Variants in RAD51B observed in about 807,000 individuals in gnomAD.
RAD51B encodes the protein RAD51 paralog B.
Under a neutral mutation model 42.2 loss-of-function variants are expected in RAD51B, and 38 were observed. That is an observed-to-expected ratio of 0.90 (90% CI 0.70 to 1.18). The LOEUF (loss-of-function observed/expected upper bound fraction) is 1.18. Among genes scored for constraint, RAD51B ranks in the 50% most tolerant of loss-of-function variants. The pLI, the probability that RAD51B is intolerant of heterozygous loss-of-function variation, is 0.00. For synonymous variants in RAD51B, 154 were observed against 145.2 expected (o/e 1.06, Z -0.43); for missense variants, 373 against 400.7 (o/e 0.93, Z 0.59).
At chr14:67,901,641 A>C (rs2043616960) in intron 7 of RAD51B, among the ~76,000 whole-genome samples, 1 of 152,226 alleles carries the variant, frequency 6.6e-6, no homozygotes, top group Non-Finnish European at 1.5e-5. Flanking sequence ...GAATCACAAT[A>C]CAGTTCACAG....
At chr14:67,989,994 CTTTT>C (rs539586350) in intron 7 of RAD51B, among the ~76,000 whole-genome samples, 2 of 118,350 alleles carry the variant, frequency 1.7e-5, no homozygotes, top group African/African-American at 3.4e-5. Flanking sequence ...CTTTTAACAT[CTTTT>C]TTTTTTTTTT....
chr14:68,298,210 A>G (rs899970654), intron 8 of RAD51B, among the ~76,000 whole-genome samples: 4 of 152,214 alleles, frequency 2.6e-5, no homozygotes, highest in African/African-American at 9.6e-5. Flanking sequence ...GCTAGAGTTG[A>G]GAGGAGATGG....
At chr14:68,015,509 G>T (rs182149917) in intron 7 of RAD51B, among the ~76,000 whole-genome samples, 5 of 152,316 alleles carry the variant, frequency 3.3e-5, no homozygotes, top group Admixed American at 3.3e-4. Flanking sequence ...CATGGTGGAA[G>T]GCGAAGGAGG....
At chr14:68,190,552 TG>T (rs1222271696) in intron 7 of RAD51B, among the ~76,000 whole-genome samples, 2 of 152,168 alleles carry the variant, frequency 1.3e-5, no homozygotes, top group Non-Finnish European at 2.9e-5. Context: ...AGTATACAGT[TG>T]CCCTTCTTCC....
intron 7 of RAD51B, among the ~76,000 whole-genome samples, chr14:68,279,577 C>G (rs2081283733): frequency 6.6e-6 from 1 of 152,206 alleles, no homozygotes; most frequent in Admixed American, 6.5e-5. Context: ...CACCTCTATC[C>G]TAGCTGAGTC....
chr14:68,137,044 G>A (rs1284129432), intron 7 of RAD51B, among the ~76,000 whole-genome samples: 4 of 151,914 alleles, frequency 2.6e-5, no homozygotes, highest in Non-Finnish European at 5.9e-5. Flanking sequence ...GGGAGGCCGA[G>A]GAGGGTAGAT....
chr14:68,170,779 C>T (rs2078856319), intron 7 of RAD51B, among the ~76,000 whole-genome samples: 1 of 152,090 alleles, frequency 6.6e-6, no homozygotes, highest in African/African-American at 2.4e-5. Flanking sequence ...AGATGTTGGA[C>T]ATTTAGGCTG....
chr14:67,834,999 A>T (rs2041181352), intron 3 of RAD51B, 81 bp from the exon 4 acceptor site: 7 of 1,114,820 alleles, frequency 6.3e-6, no homozygotes, highest in Middle Eastern at 2.1e-4. Flanking sequence ...TAAAATTGCT[A>T]AAATTTAGAG....
chr14:68,156,261 T>C (rs2140798632), intron 7 of RAD51B, among the ~76,000 whole-genome samples: 1 of 152,284 alleles, frequency 6.6e-6, no homozygotes, highest in East Asian at 1.9e-4. Flanking sequence ...GTTGACAGAG[T>C]CCTTGCAGAA....
At chr14:68,599,559 A>G (rs979504857), downstream of RAD51B, among the ~76,000 whole-genome samples, 1 of 152,220 alleles carries the variant, frequency 6.6e-6, no homozygotes, top group African/African-American at 2.4e-5. Flanking sequence ...GAGGAAGACA[A>G]GAAAGTTTTT....
At chr14:68,484,505 C>T (rs1378928826) in intron 10 of RAD51B, among the ~76,000 whole-genome samples, 1 of 151,872 alleles carries the variant, frequency 6.6e-6, no homozygotes, top group Non-Finnish European at 1.5e-5. Flanking sequence ...CTACAGGCGC[C>T]CACCACCACG....
At chr14:68,458,851 T>C (rs952929397) in intron 9 of RAD51B, among the ~76,000 whole-genome samples, 1 of 152,206 alleles carries the variant, frequency 6.6e-6, no homozygotes. Context: ...TCCTGCCATT[T>C]TCCAGCACTG....
At chr14:67,954,448 A>G (rs1387391589) in intron 7 of RAD51B, among the ~76,000 whole-genome samples, 1 of 152,116 alleles carries the variant, frequency 6.6e-6, no homozygotes, top group Non-Finnish European at 1.5e-5. Flanking sequence ...AAACCAAGAG[A>G]TGAAAGAATT....
intron 7 of RAD51B, among the ~76,000 whole-genome samples, chr14:68,272,665 A>ATTTTTTTT (rs71412311): frequency 8.0e-5 from 1 of 12,476 alleles, no homozygotes; most frequent in Non-Finnish European, 1.4e-4. Context: ...ATATATATAT[A>ATTTTTTTT]TTTTTTTTTT....
chr14:68,171,046 C>T (rs2078861850), intron 7 of RAD51B, among the ~76,000 whole-genome samples: 1 of 152,330 alleles, frequency 6.6e-6, no homozygotes, highest in South Asian at 2.1e-4. Flanking sequence ...GCTCCTCCTC[C>T]ATAACCCATC....
intron 7 of RAD51B, among the ~76,000 whole-genome samples, chr14:68,029,217 T>C (rs1357348131): frequency 6.6e-6 from 1 of 152,238 alleles, no homozygotes; most frequent in African/African-American, 2.4e-5. Flanking sequence ...GTTCAAATTG[T>C]GTTGGTTTAC....
Position 68,138,112 on chromosome 14 carries a change from T to A in RAD51B, c.757-153772T>A, listed in dbSNP as rs894745268. 2.0e-5 allele frequency among the ~76,000 whole-genome samples: 3 copies of A among 151,646 alleles called. No homozygotes were observed. The South Asian group carries it at 6.3e-4, about 32-fold the overall frequency. ...CAAGAAGCCAGGACAAGCTTGAAAA[T>A]CTGCAGAGCTGCAGGCAGATTCCCA... On this transcript the variant is annotated intron_variant, in intron 7 of 10. Coordinates refer to ENST00000471583, the MANE Select transcript of RAD51B (RefSeq NM_133510.4).
chr14:67,999,461 T>C (rs1174647035), intron 7 of RAD51B, among the ~76,000 whole-genome samples: 1 of 152,064 alleles, frequency 6.6e-6, no homozygotes, highest in Non-Finnish European at 1.5e-5. Context: ...CCTACAAGAG[T>C]GGACTGGTAT....
intron 8 of RAD51B, among the ~76,000 whole-genome samples, chr14:68,311,756 A>G (rs2081972223): frequency 6.6e-6 from 1 of 152,112 alleles, no homozygotes; most frequent in African/African-American, 2.4e-5. Context: ...GCATGGTGGC[A>G]TGTGCCTGTA....
Sources: allele counts gnomAD v4.1 joint callset (sites outside exome capture counted in the v4.1 genomes callset), GRCh38; gene constraint gnomAD v4.1.1; transcripts MANE v1.5; gene names NCBI Gene and HGNC (gene_info 2026-07-23, HGNC 2026-07-21).